The following ESR1 variants were observed in gnomAD, a reference collection of about 807,000 sequenced individuals.
The protein encoded by ESR1 is estrogen receptor.
In ESR1, 12 loss-of-function variants were observed where a neutral mutation model predicts 52.7. That is an observed-to-expected ratio of 0.23 (90% CI 0.15 to 0.37). The LOEUF (loss-of-function observed/expected upper bound fraction) is 0.37, where lower values mean the gene tolerates loss of function less well. Among genes scored for constraint, ESR1 ranks in the 10% least tolerant of loss-of-function variants. The pLI is 1.00. For missense variants in ESR1, 584 were observed against 779.7 expected (o/e 0.75, Z 2.99); for synonymous variants, 305 against 316.8 (o/e 0.96, Z 0.39).
chr6:152,120,347 T>C (rs1289003706), intron 6 of ESR1, among the ~76,000 whole-genome samples: 1 of 152,110 alleles, frequency 6.6e-6, no homozygotes, highest in Non-Finnish European at 1.5e-5. Flanking sequence ...CAGGGCACCC[T>C]TCAACGCCAA....
At chr6:151,866,111 A>G (rs771940409) in intron 2 of ESR1, among the ~76,000 whole-genome samples, 2 of 152,210 alleles carry the variant, frequency 1.3e-5, no homozygotes, top group Non-Finnish European at 2.9e-5. Context: ...AGCAGCAAAT[A>G]ACGAAGAAGC....
At chr6:151,977,624 A>G (rs141200296) in intron 4 of ESR1, among the ~76,000 whole-genome samples, 4 of 151,832 alleles carry the variant, frequency 2.6e-5, no homozygotes, top group East Asian at 1.9e-4. Flanking sequence ...GTGAAACCCT[A>G]TATCTACTAA....
intron 2 of ESR1, among the ~76,000 whole-genome samples, chr6:151,722,609 G>T (rs1160312229): frequency 6.6e-6 from 1 of 152,164 alleles, no homozygotes; most frequent in East Asian, 1.9e-4. Context: ...ATCACAAGCA[G>T]CTTACAACTT....
At chr6:152,088,913 A>G (rs1313984819) in intron 6 of ESR1, among the ~76,000 whole-genome samples, 10 of 152,254 alleles carry the variant, frequency 6.6e-5, no homozygotes, top group South Asian at 4.1e-4. Context: ...TGGCTTTATT[A>G]TAAGTGTATT....
At chr6:152,029,254 G>A (rs967382651) in intron 5 of ESR1, among the ~76,000 whole-genome samples, 5 of 152,226 alleles carry the variant, frequency 3.3e-5, no homozygotes, top group African/African-American at 9.6e-5. Flanking sequence ...CCAAAGGAAC[G>A]CAGCTCCTCA....
At chr6:151,766,228 C>T (rs1241740597) in intron 2 of ESR1, among the ~76,000 whole-genome samples, 1 of 152,142 alleles carries the variant, frequency 6.6e-6, no homozygotes, top group Non-Finnish European at 1.5e-5. Flanking sequence ...GAACGAGGTA[C>T]TAAGGACAAA....
chr6:151,724,765 AAT>A (rs1406958047), intron 2 of ESR1, among the ~76,000 whole-genome samples: 2 of 152,180 alleles, frequency 1.3e-5, no homozygotes, highest in Admixed American at 1.3e-4. Context: ...GCCCAGCGTT[AAT>A]AGTGTTAGTG....
At chr6:151,661,911 G>A (rs1777650886) in intron 1 of ESR1, among the ~76,000 whole-genome samples, 1 of 152,128 alleles carries the variant, frequency 6.6e-6, no homozygotes, top group South Asian at 2.1e-4. Flanking sequence ...GGCCTTCCCA[G>A]CCATGTGGAA....
chr6:151,909,162 C>T (rs1160017058), intron 3 of ESR1, among the ~76,000 whole-genome samples: 2 of 152,180 alleles, frequency 1.3e-5, no homozygotes, highest in Admixed American at 6.5e-5. Flanking sequence ...CTGGTGAGAG[C>T]GTGCTGCTAA....
In ESR1 at chr6:152,008,647, C is replaced by T. The variant is rs565143248; in HGVS notation, c.1097-3009C>T. 2.0e-5 allele frequency among the ~76,000 whole-genome samples: 3 copies of T among 152,190 alleles called. No homozygotes were observed. The South Asian group carries it at 6.2e-4, about 32-fold the overall frequency. ...GTTACATGGTCAGCTGCAATTGTAA[C>T]TCATGAGACACACCCAGATATCATC... On this transcript the variant is annotated intron_variant, in intron 4 of 7. Coordinates refer to ENST00000206249, the MANE Select transcript of ESR1 (RefSeq NM_000125.4).
At chr6:151,680,444 T>C (rs1488850020) in intron 1 of ESR1, among the ~76,000 whole-genome samples, 1 of 152,140 alleles carries the variant, frequency 6.6e-6, no homozygotes. Context: ...CCTCAAGTGA[T>C]CCACCTACCT....
intron 2 of ESR1, among the ~76,000 whole-genome samples, chr6:151,716,329 T>G (rs1781032780): frequency 1.3e-5 from 2 of 152,146 alleles, no homozygotes; most frequent in South Asian, 4.1e-4. Context: ...CTTGAGCAGG[T>G]AGTCTGTCCC....
At chr6:151,936,170 A>G (rs2034332206) in intron 3 of ESR1, 1 of 152,236 alleles carries the variant, frequency 6.6e-6, no homozygotes, top group Non-Finnish European at 1.5e-5. Context: ...TCTGTATCAG[A>G]GAGCATCATT....
intron 2 of ESR1, among the ~76,000 whole-genome samples, chr6:151,743,870 T>C (rs1783285142): frequency 6.6e-6 from 1 of 152,130 alleles, no homozygotes. Context: ...TCGTAGAGTA[T>C]TTTCATCACC....
At chr6:151,759,146 G>A (rs560235471) in intron 2 of ESR1, among the ~76,000 whole-genome samples, 16 of 151,586 alleles carry the variant, frequency 1.1e-4, no homozygotes, top group African/African-American at 3.1e-4. Flanking sequence ...GTGGTGGTGC[G>A]TGCCTGTAGT....
chr6:151,672,735 A>T (rs1313675455), intron 1 of ESR1, among the ~76,000 whole-genome samples: 49 of 151,698 alleles, frequency 3.2e-4, no homozygotes, highest in Admixed American at 3.2e-3. Context: ...GGCCTCCCAG[A>T]GTGCTGGGAT....
rs76469894 is a variant in ESR1, at chr6:151,941,525, G to A, written c.761-2648G>A. Among the ~76,000 whole-genome samples, 17 of 151,642 alleles carry A rather than the reference G, an allele frequency of 1.1e-4. No individual in the cohort carries two copies. In the East Asian group the frequency reaches 1.7e-3, roughly 16 times the overall value. On this transcript the variant is annotated intron_variant, in intron 3 of 7. Coordinates refer to ENST00000206249, the MANE Select transcript of ESR1 (RefSeq NM_000125.4). Reference sequence around the variant, plus strand: ...TGACATTTTTTCTCTGGTGTCCACCGCAAGGCTCTTGCTCTTACATTTTTT... The same window carrying A: ...TGACATTTTTTCTCTGGTGTCCACCACAAGGCTCTTGCTCTTACATTTTTT...
At chr6:152,080,816 T>C (rs905505920) in intron 6 of ESR1, among the ~76,000 whole-genome samples, 1 of 148,788 alleles carries the variant, frequency 6.7e-6, no homozygotes, top group Non-Finnish European at 1.5e-5. Context: ...ACTGAGCAAA[T>C]GGAAAGAAAA....
chr6:151,788,975 A>G (rs2128129710), intron 2 of ESR1, among the ~76,000 whole-genome samples: 1 of 152,318 alleles, frequency 6.6e-6, no homozygotes, highest in South Asian at 2.1e-4. Context: ...GGAAGGAGGG[A>G]GAGGATCAGG....
Sources: gnomAD v4.1 joint callset for allele counts (sites outside exome capture counted in the v4.1 genomes callset) on GRCh38, gnomAD v4.1.1 for gene constraint, MANE v1.5 for transcripts, NCBI Gene and HGNC (gene_info 2026-07-23, HGNC 2026-07-21) for gene names.